CNTRL: variants seen among roughly 807,000 people sequenced by gnomAD.
CNTRL encodes the protein 110 kDa centrosomal protein.
Under a neutral mutation model 303.7 loss-of-function variants are expected in CNTRL, and 233 were observed. The ratio of observed to expected loss-of-function variants is 0.77; its 90% CI spans 0.69 to 0.86. The LOEUF is 0.86. Ranked by LOEUF, CNTRL falls within the 40% of genes least tolerant of loss-of-function variation. The pLI is 0.00. For missense variants in CNTRL, 2,524 were observed against 2,650.6 expected, an observed-to-expected ratio of 0.95 and a Z score of 1.05; for synonymous variants, 900 against 922.2, an observed-to-expected ratio of 0.98 and a Z score of 0.44.
In CNTRL at chr9:121,118,366, C is replaced by A. The variant is rs777914830; in HGVS notation, c.1476C>A (p.Asp492Glu). 2.1e-5 allele frequency: 34 copies of A among 1,597,172 alleles called. No individual in the cohort carries two copies. In the East Asian group the frequency reaches 7.6e-4, roughly 36 times the overall value. ...ATTAGATTTCAGAAGCAGGGAAAGA[C>A]CTTCTTTACAAGCAGTTGAGTGGTA... The part of the protein sequence containing the change: ...QLKKISEAGK[D>E]LLYKQLSGRL... The change falls in exon 12 of 44, where the codon GAC becomes GAA. Residue 492 changes from aspartate to glutamate, a missense_variant. Asp to Glu is a conservative substitution (Grantham distance 45, BLOSUM62 2). Coordinates refer to ENST00000373855, the MANE Select transcript of CNTRL (RefSeq NM_007018.6).
chr9:121,104,125 T>G (rs146919115), intron 7 of CNTRL, among the ~76,000 whole-genome samples: 1 of 152,270 alleles, frequency 6.6e-6, no homozygotes, highest in African/African-American at 2.4e-5. Context: ...GGAACCAACC[T>G]GAATGTCCAT....
At chr9:121,122,746 G>A (rs1381053610) in intron 12 of CNTRL, among the ~76,000 whole-genome samples, 1 of 152,138 alleles carries the variant, frequency 6.6e-6, no homozygotes, top group Non-Finnish European at 1.5e-5. Context: ...ATTGGCTCTC[G>A]ATTTGCTTTC....
intron 14 of CNTRL, 53 bp downstream of exon 14, chr9:121,125,989 A>C: frequency 6.9e-7 from 1 of 1,453,090 alleles, no homozygotes; most frequent in East Asian, 2.3e-5. Context: ...GATAATGTCC[A>C]AATTAAGTTA....
At chr9:121,128,374 T>G (rs1014594956) in intron 14 of CNTRL, among the ~76,000 whole-genome samples, 2 of 152,266 alleles carry the variant, frequency 1.3e-5, no homozygotes, top group African/African-American at 4.8e-5. Context: ...GTGGTTTTGA[T>G]TTGCATTTCT....
intron 27 of CNTRL, among the ~76,000 whole-genome samples, chr9:121,155,223 T>C (rs1025052298): frequency 2.0e-5 from 3 of 152,206 alleles, no homozygotes; most frequent in Non-Finnish European, 4.4e-5. Context: ...CACGTCCTTA[T>C]CCTGTGTGTA....
chr9:121,137,291 G>A (rs148153545), intron 15 of CNTRL, among the ~76,000 whole-genome samples: 25 of 152,210 alleles, frequency 1.6e-4, no homozygotes, highest in African/African-American at 6.0e-4. Flanking sequence ...TATAACCTGT[G>A]CACAGTAAAG....
chr9:121,171,270 T>C (rs750599010), intron 39 of CNTRL, 138 bp from the exon 40 acceptor site: 1 of 882,464 alleles, frequency 1.1e-6, no homozygotes, highest in Non-Finnish European at 1.9e-6. Flanking sequence ...GAAAGGCCGA[T>C]AGAATTATCC....
At chr9:121,076,097 C>G (rs896328187) in intron 1 of CNTRL, among the ~76,000 whole-genome samples, 11 of 152,198 alleles carry the variant, frequency 7.2e-5, no homozygotes, top group Non-Finnish European at 1.5e-4. Context: ...CCTCTGCTCT[C>G]TTGTAGCTTA....
chr9:121,166,581 C>CT (rs1209918703), intron 36 of CNTRL, among the ~76,000 whole-genome samples: 2 of 152,154 alleles, frequency 1.3e-5, no homozygotes, highest in East Asian at 1.9e-4. Context: ...ATCTGGGCCT[C>CT]TATCTTGTCA....
At chr9:121,096,042 A>G (rs952462405) in intron 5 of CNTRL, among the ~76,000 whole-genome samples, 31 of 152,358 alleles carry the variant, frequency 2.0e-4, no homozygotes, top group African/African-American at 7.5e-4. Context: ...ATAATTAGGA[A>G]CATCTTTTGG....
rs746967651 is a variant in CNTRL at position 121,098,605 on chromosome 9, G to T, written c.808+33G>T. 5 of 1,376,390 alleles carry T rather than the reference G, an allele frequency of 3.6e-6. No homozygotes were observed. The East Asian group carries it at 7.4e-5, about 20-fold the overall frequency. The allele number at this position is 1,376,390 out of a possible 1,614,324, so 85.3% of individuals were successfully genotyped here. On this transcript the variant is annotated intron_variant, in intron 7 of 43. Transcript: ENST00000373855. ...TAAATTTAAAAAATAATAAATTTGG[G>T]TGAGGGAGGAATTTATTTTCAGAAG...
chr9:121,078,311 G>C (rs1038152216), intron 1 of CNTRL, among the ~76,000 whole-genome samples: 1 of 152,102 alleles, frequency 6.6e-6, no homozygotes, highest in African/African-American at 2.4e-5. Flanking sequence ...AGTAGGTTGG[G>C]GCGGGACAAT....
intron 7 of CNTRL, among the ~76,000 whole-genome samples, chr9:121,101,779 G>A (rs1032133572): frequency 3.3e-5 from 5 of 151,964 alleles, no homozygotes; most frequent in South Asian, 2.1e-4. Context: ...ACACCTCTAC[G>A]CAAATAAGCT....
In CNTRL at chr9:121,152,132, CCT is replaced by C. The variant is rs533488355; in HGVS notation, c.3964-350_3964-349del. On this transcript the variant is annotated intron_variant, in intron 25 of 43. Coordinates refer to ENST00000373855, the MANE Select transcript of CNTRL (RefSeq NM_007018.6). Reference sequence around the variant, plus strand: ...CGTTCTTCAAAACCCAGGCAAAACACCTCTTCCTCTGAGCAGCCTTCTCAGAA... The same window carrying C: ...CGTTCTTCAAAACCCAGGCAAAACACCTTCCTCTGAGCAGCCTTCTCAGAA... 3 of 204,368 alleles carry C rather than the reference CCT, an allele frequency of 1.5e-5. No individual in the cohort carries two copies. In the Admixed American group the frequency reaches 1.6e-4, roughly 11 times the overall value. 12.7% of individuals were successfully genotyped at this position (204,368 alleles called of 1,614,324 possible). A position where few individuals can be genotyped will look rare whatever the true frequency, so the allele number is the denominator to read the frequency against.
In CNTRL at chr9:121,118,395, T is replaced by A. The variant is rs778946261; in HGVS notation, c.1505T>A (p.Leu502Gln). The change falls in exon 12 of 44, where the codon CTA (leucine) becomes CAA (glutamine). Residue 502 changes from leucine (L) to glutamine (Q), a missense_variant. Coordinates refer to ENST00000373855, the MANE Select transcript of CNTRL (RefSeq NM_007018.6). Reference protein sequence around the residue: ...DLLYKQLSGRLQLVNKLRQEA... With the variant: ...DLLYKQLSGRQQLVNKLRQEA... ...CTTTACAAGCAGTTGAGTGGTAGACTACAACTTGTAAATAAATTACGCCAG... is the reference window on the plus strand; with the variant it reads ...CTTTACAAGCAGTTGAGTGGTAGACAACAACTTGTAAATAAATTACGCCAG... 1.9e-6 allele frequency: 3 copies of A among 1,612,072 alleles called. No homozygotes were observed. In the African/African-American group the frequency reaches 4.0e-5, roughly 22 times the overall value.
chr9:121,118,755 G>T (rs1271819139), intron 12 of CNTRL, among the ~76,000 whole-genome samples: 2 of 152,104 alleles, frequency 1.3e-5, no homozygotes, highest in African/African-American at 4.8e-5. Context: ...AAAAAGGATG[G>T]TTGTGTCTGT....
At position 121,171,568 on chromosome 9, in the gene CNTRL, A is replaced by C. The variant is rs2053306534; in HGVS notation, c.6417+20A>C. Reference sequence around the variant, plus strand: ...AAACAGGTGTGTGCCCAGAAAGCCCAGCTGGCCAGCCTGGGGAGAGAGGAC... The same window carrying C: ...AAACAGGTGTGTGCCCAGAAAGCCCCGCTGGCCAGCCTGGGGAGAGAGGAC... On this transcript the variant is annotated intron_variant, in intron 40 of 43. Coordinates refer to ENST00000373855, the MANE Select transcript of CNTRL (RefSeq NM_007018.6). The C allele has an allele frequency of 1.2e-6, 2 of 1,610,300 alleles. No individual in the cohort carries two copies. Among genetic ancestry groups the C allele is most frequent in the Non-Finnish European group, 1.7e-6 (2 of 1,178,146 alleles).
At chr9:121,128,108 T>C (rs1366437025) in intron 14 of CNTRL, among the ~76,000 whole-genome samples, 2 of 152,178 alleles carry the variant, frequency 1.3e-5, no homozygotes, top group Non-Finnish European at 2.9e-5. Flanking sequence ...TAAACACATG[T>C]GTGCATGTGT....
Position 121,092,590 on chromosome 9 carries a change from C to CTA in CNTRL, c.348+2194_348+2195dup, listed in dbSNP as rs1322330913. On this transcript the variant is annotated intron_variant, in intron 4 of 43. Coordinates refer to ENST00000373855, the MANE Select transcript of CNTRL (RefSeq NM_007018.6). ...ATATATCTATATATATAATATATAT[C>CTA]TATATATATAATATATATCTATATA... Among the ~76,000 whole-genome samples the CTA allele has an allele frequency of 6.9e-4, 3 of 4,342 alleles. 1 individual carries two copies. The highest frequency in any genetic ancestry group is 1.4e-3 in the African/African-American group (3 of 2,094). 2.8% of individuals were successfully genotyped at this position (4,342 alleles called of 152,430 possible). A position where few individuals can be genotyped will look rare whatever the true frequency, so the allele number is the denominator to read the frequency against.
Sources: allele counts gnomAD v4.1 joint callset (sites outside exome capture counted in the v4.1 genomes callset), GRCh38; gene constraint gnomAD v4.1.1; transcripts MANE v1.5; gene names NCBI Gene and HGNC (gene_info 2026-07-23, HGNC 2026-07-21).